The following FARS2 variants were observed in gnomAD, a reference collection of about 807,000 sequenced individuals.
The protein encoded by FARS2 is phenylalanine--tRNA ligase, mitochondrial.
A neutral mutation model predicts 46.4 loss-of-function variants in FARS2; 40 were observed. The ratio of observed to expected loss-of-function variants is 0.86; its 90% CI spans 0.67 to 1.12. FARS2 has a LOEUF of 1.12. Among genes scored for constraint, FARS2 ranks in the 50% most tolerant of loss-of-function variants. The probability of loss-of-function intolerance (pLI) is 0.00; values close to 1 mark genes in which losing one functional copy is unlikely to be tolerated. For missense variants in FARS2, 513 were observed against 567.9 expected (o/e 0.90, Z 0.98); for synonymous variants, 234 against 214.9 (o/e 1.09, Z -0.78).
chr6:5,636,160 T>C (rs59147825), intron 6 of FARS2, among the ~76,000 whole-genome samples: 7,172 of 152,204 alleles, frequency 0.047, 464 homozygotes, highest in African/African-American at 0.14. Context: ...AATTTAAAGT[T>C]CTAAATGAAA....
At chr6:5,405,877 A>G (rs1021337740) in intron 3 of FARS2, among the ~76,000 whole-genome samples, 1 of 152,210 alleles carries the variant, frequency 6.6e-6, no homozygotes, top group African/African-American at 2.4e-5. Context: ...CAACAGGAGT[A>G]TATTAACAGT....
chr6:5,720,893 AT>A (rs1759850603), intron 6 of FARS2, among the ~76,000 whole-genome samples: 1 of 151,962 alleles, frequency 6.6e-6, no homozygotes, highest in Non-Finnish European at 1.5e-5. Flanking sequence ...ACAAAAAAAA[AT>A]TTTTTTTAAT....
chr6:5,696,384 C>A (rs928013437), intron 6 of FARS2, among the ~76,000 whole-genome samples: 2 of 152,128 alleles, frequency 1.3e-5, no homozygotes, highest in Non-Finnish European at 2.9e-5. Context: ...CATTAAGTAT[C>A]ACCCAGCTAA....
intron 4 of FARS2, among the ~76,000 whole-genome samples, chr6:5,534,720 A>G (rs1770077633): frequency 2.0e-5 from 3 of 152,186 alleles, no homozygotes. Flanking sequence ...TGTTATGAAC[A>G]TCGGTGTGCA....
chr6:5,367,612 A>G (rs1758769387), intron 1 of FARS2, among the ~76,000 whole-genome samples: 1 of 151,204 alleles, frequency 6.6e-6, no homozygotes, highest in East Asian at 1.9e-4. Flanking sequence ...ATGACAGCTG[A>G]GGTGACTTTC....
intron 3 of FARS2, among the ~76,000 whole-genome samples, chr6:5,409,301 A>G (rs1189120290): frequency 1.3e-5 from 2 of 152,116 alleles, no homozygotes; most frequent in Non-Finnish European, 2.9e-5. Context: ...ATACAAAAAA[A>G]TTAGCTGGGC....
intron 1 of FARS2, among the ~76,000 whole-genome samples, chr6:5,274,207 A>G (rs1581665998): frequency 6.6e-6 from 1 of 152,184 alleles, no homozygotes; most frequent in Non-Finnish European, 1.5e-5. Context: ...TTAGTTGGCT[A>G]CCCATCAGCC....
chr6:5,608,378 T>C (rs568609949), intron 5 of FARS2, among the ~76,000 whole-genome samples: 6 of 152,316 alleles, frequency 3.9e-5, no homozygotes, highest in African/African-American at 1.4e-4. Flanking sequence ...GCACTGCTGA[T>C]GGTGGGTACC....
intron 6 of FARS2, among the ~76,000 whole-genome samples, chr6:5,734,810 G>GATACATAC (rs566855361): frequency 6.6e-5 from 10 of 152,116 alleles, no homozygotes; most frequent in South Asian, 2.1e-4. Context: ...TAGATAGATA[G>GATACATAC]ATACATACAT....
chr6:5,252,070 G>C, the FARS2 span, among the ~76,000 whole-genome samples: 1 of 152,174 alleles, frequency 6.6e-6, no homozygotes, highest in East Asian at 1.9e-4. Flanking sequence ...GAGACCTGAC[G>C]TTGATCAGCA....
intron 1 of FARS2, among the ~76,000 whole-genome samples, chr6:5,301,427 G>A (rs948619214): frequency 5.9e-5 from 9 of 152,056 alleles, no homozygotes; most frequent in Non-Finnish European, 8.8e-5. Context: ...CTGTAGCCTG[G>A]GTGATAGAAT....
intron 6 of FARS2, among the ~76,000 whole-genome samples, chr6:5,732,520 C>T (rs1439311899): frequency 3.3e-5 from 5 of 152,130 alleles, no homozygotes. Flanking sequence ...TTGTGTTCAG[C>T]AAATGAATAA....
chr6:5,711,161 C>T (rs1017096175), intron 6 of FARS2, among the ~76,000 whole-genome samples: 53 of 152,066 alleles, frequency 3.5e-4, no homozygotes, highest in African/African-American at 1.2e-3. Flanking sequence ...GAACAGGAGC[C>T]AACTGAAAGA....
At chr6:5,356,450 A>G (rs1256915035) in intron 1 of FARS2, among the ~76,000 whole-genome samples, 1 of 152,130 alleles carries the variant, frequency 6.6e-6, no homozygotes, top group Non-Finnish European at 1.5e-5. Context: ...GACTCTGTCA[A>G]ATGATAGGTA....
chr6:5,535,470 C>T (rs550860512), intron 4 of FARS2, among the ~76,000 whole-genome samples: 1 of 152,144 alleles, frequency 6.6e-6, no homozygotes, highest in South Asian at 2.1e-4. Flanking sequence ...AATTTTACTT[C>T]TTCTTTTTCA....
intron 4 of FARS2, among the ~76,000 whole-genome samples, chr6:5,485,488 G>T (rs1161656170): frequency 2.1e-5 from 3 of 143,988 alleles, no homozygotes; most frequent in Admixed American, 2.1e-4. Flanking sequence ...AAGATTTAAA[G>T]TGGGGGGGAC....
intron 6 of FARS2, among the ~76,000 whole-genome samples, chr6:5,687,181 G>A (rs1221958262): frequency 2.6e-5 from 4 of 152,140 alleles, no homozygotes; most frequent in African/African-American, 7.2e-5. Flanking sequence ...TTCTTTTGCT[G>A]TGCAGAAGCT....
chr6:5,364,139 C>T (rs1288143155), intron 1 of FARS2, among the ~76,000 whole-genome samples: 1 of 152,134 alleles, frequency 6.6e-6, no homozygotes, highest in East Asian at 1.9e-4. Context: ...CTAGAAATCT[C>T]TGGGTCACTT....
intron 6 of FARS2, among the ~76,000 whole-genome samples, chr6:5,700,107 G>A (rs377739098): frequency 2.0e-5 from 3 of 152,188 alleles, no homozygotes; most frequent in Non-Finnish European, 4.4e-5. Context: ...CATGACTGGA[G>A]AGGGCCTAGG....
Sources: gnomAD v4.1 joint callset for allele counts (sites outside exome capture counted in the v4.1 genomes callset) on GRCh38, gnomAD v4.1.1 for gene constraint, MANE v1.5 for transcripts, NCBI Gene and HGNC (gene_info 2026-07-23, HGNC 2026-07-21) for gene names.